Variants in RC3H1 observed in about 807,000 individuals in gnomAD.
The protein encoded by RC3H1 is roquin-1.
A neutral mutation model predicts 138.2 loss-of-function variants in RC3H1; 50 were observed. That is an observed-to-expected ratio of 0.36 (90% CI 0.29 to 0.46). The LOEUF (loss-of-function observed/expected upper bound fraction) is 0.46. Ranked by LOEUF, RC3H1 falls within the 20% of genes least tolerant of loss-of-function variation. RC3H1 has a pLI of 1.00. For missense variants in RC3H1, 1,031 were observed against 1,388.1 expected, an observed-to-expected ratio of 0.74 and a Z score of 4.09; for synonymous variants, 462 against 489.1, an observed-to-expected ratio of 0.94 and a Z score of 0.73.
At chr1:173,959,924 G>T (rs1379334140) in intron 13 of RC3H1, among the ~76,000 whole-genome samples, 1 of 151,814 alleles carries the variant, frequency 6.6e-6, no homozygotes, top group Non-Finnish European at 1.5e-5. Flanking sequence ...TGGCCAACAT[G>T]GTGAAACCGT....
chr1:173,977,912 G>C (rs1246625348), intron 7 of RC3H1, among the ~76,000 whole-genome samples: 1 of 152,122 alleles, frequency 6.6e-6, no homozygotes, highest in African/African-American at 2.4e-5. Context: ...TCAGAGACTG[G>C]GAATCTACTA....
chr1:174,013,258 T>C (rs1305936682), intron 1 of RC3H1, among the ~76,000 whole-genome samples: 1 of 151,924 alleles, frequency 6.6e-6, no homozygotes, highest in African/African-American at 2.4e-5. Context: ...AACAGGAAAG[T>C]TCTCCATGAG....
At chr1:173,981,491 A>G (rs1308021592) in intron 5 of RC3H1, among the ~76,000 whole-genome samples, 1 of 152,202 alleles carries the variant, frequency 6.6e-6, no homozygotes, top group African/African-American at 2.4e-5. Flanking sequence ...TTTAACATAT[A>G]CATTCAGTTT....
At position 173,962,157 on chromosome 1, in the gene RC3H1, A is replaced by AT. The variant is rs1659915360; in HGVS notation, c.1832-63dup. The AT allele has an allele frequency of 2.1e-6, 3 of 1,445,482 alleles. No individual in the cohort carries two copies. In the Admixed American group the frequency reaches 6.6e-5, roughly 32 times the overall value. The allele number at this position is 1,445,482 out of a possible 1,614,324, so 89.5% of individuals were successfully genotyped here. On this transcript the variant is annotated intron_variant, in intron 11 of 19. Transcript: ENST00000367696. ...GAGCCAATTTAGTTTTCTATGTAAG[A>AT]TTTTACCTTTTAAAATACTGAAACA...
chr1:173,968,693 A>G (rs1003197593), intron 9 of RC3H1, among the ~76,000 whole-genome samples: 4 of 152,094 alleles, frequency 2.6e-5, no homozygotes, highest in African/African-American at 9.7e-5. Flanking sequence ...AAATTTTACT[A>G]CTAATTACTA....
intron 2 of RC3H1, among the ~76,000 whole-genome samples, chr1:173,992,140 AC>A (rs1661315052): frequency 6.6e-6 from 1 of 152,020 alleles, no homozygotes; most frequent in Admixed American, 6.6e-5. Flanking sequence ...CTTATGACTT[AC>A]CTCTTAGGTT....
intron 7 of RC3H1, 77 bp downstream of exon 7, chr1:173,978,411 A>C: frequency 6.6e-7 from 1 of 1,504,624 alleles, no homozygotes; most frequent in Non-Finnish European, 9.0e-7. Context: ...TAGAGGAACA[A>C]CAAAAGATAA....
intron 14 of RC3H1, among the ~76,000 whole-genome samples, chr1:173,947,803 C>A (rs972653599): frequency 6.6e-6 from 1 of 152,104 alleles, no homozygotes; most frequent in African/African-American, 2.4e-5. Context: ...AACGTAGGGG[C>A]ACTCTCATGG....
At chr1:174,003,439 G>A (rs912450030) in intron 1 of RC3H1, among the ~76,000 whole-genome samples, 6 of 150,040 alleles carry the variant, frequency 4.0e-5, no homozygotes, top group African/African-American at 1.5e-4. Context: ...AATCATCCTT[G>A]ACTACTCTCT....
At chr1:173,961,437 T>C (rs888985605) in intron 12 of RC3H1, among the ~76,000 whole-genome samples, 193 bp from the exon 13 acceptor site, 3 of 152,222 alleles carry the variant, frequency 2.0e-5, no homozygotes, top group Middle Eastern at 6.8e-3. Context: ...TAGCTAAATT[T>C]AGGTTTCTTT....
rs932091678 is a variant in RC3H1 at position 173,933,952 on chromosome 1, G to GA, written c.*4768dup. On this transcript the variant is annotated 3_prime_UTR_variant, in exon 20 of 20. Coordinates refer to ENST00000367696, the MANE Select transcript of RC3H1 (RefSeq NM_172071.4). ...AACACACTTAGACTCTTATTAGGGGGAAAAAATCTAAGTAAACACTGCAGT... is the reference window on the plus strand; with the variant it reads ...AACACACTTAGACTCTTATTAGGGGGAAAAAAATCTAAGTAAACACTGCAGT... 3 of 152,028 alleles carry GA rather than the reference G, an allele frequency of 2.0e-5. No homozygotes were observed. The highest frequency in any genetic ancestry group is 2.9e-5 in the Non-Finnish European group (2 of 67,984). 9.4% of individuals were successfully genotyped at this position (152,028 alleles called of 1,614,324 possible). A position where few individuals can be genotyped will look rare whatever the true frequency, so the allele number is the denominator to read the frequency against.
chr1:174,008,870 G>A (rs1483717061), intron 1 of RC3H1, among the ~76,000 whole-genome samples: 1 of 151,600 alleles, frequency 6.6e-6, no homozygotes, highest in African/African-American at 2.4e-5. Context: ...CCAGCTACTT[G>A]GGAGGCTGAG....
intron 1 of RC3H1, among the ~76,000 whole-genome samples, chr1:173,993,645 G>C (rs1273156947): frequency 6.6e-6 from 1 of 151,330 alleles, no homozygotes; most frequent in East Asian, 2.0e-4. Flanking sequence ...CTCCCGCCTT[G>C]GCATCCCAAA....
At chr1:173,992,669 AACACACACACACAC>A (rs34709821) in intron 2 of RC3H1, 72 bp downstream of exon 2, 16 of 657,752 alleles carry the variant, frequency 2.4e-5, no homozygotes, top group African/African-American at 1.3e-4. Context: ...AAACACGCAC[AACACACACACACAC>A]ACACACACAC....
intron 1 of RC3H1, among the ~76,000 whole-genome samples, chr1:174,001,357 C>A (rs1024246280): frequency 1.3e-5 from 2 of 152,178 alleles, no homozygotes; most frequent in African/African-American, 4.8e-5. Flanking sequence ...GCATTATATA[C>A]AAATGTGCTA....
At chr1:173,967,664 C>A (rs914129351) in intron 9 of RC3H1, among the ~76,000 whole-genome samples, 1 of 152,142 alleles carries the variant, frequency 6.6e-6, no homozygotes, top group African/African-American at 2.4e-5. Flanking sequence ...TCTATTGGTT[C>A]CTCTCCTTCC....
At chr1:173,983,969 T>C (rs1039154466) in intron 3 of RC3H1, among the ~76,000 whole-genome samples, 5 of 152,238 alleles carry the variant, frequency 3.3e-5, no homozygotes, top group African/African-American at 1.2e-4. Context: ...GTTTATAATG[T>C]AAATCTTGAA....
At chr1:173,947,302 G>A in intron 15 of RC3H1, 67 bp downstream of exon 15, 1 of 1,056,210 alleles carries the variant, frequency 9.5e-7, no homozygotes, top group Non-Finnish European at 1.5e-6. Context: ...AGTAAATGGA[G>A]AGCAGGGGTA....
Position 173,938,648 on chromosome 1 carries a change from G to T in RC3H1, c.*73C>A. 1.7e-6 allele frequency: 2 copies of T among 1,155,874 alleles called. No homozygotes were observed. Among genetic ancestry groups the T allele is most frequent in the Non-Finnish European group, 2.4e-6 (2 of 838,074 alleles). The allele number at this position is 1,155,874 out of a possible 1,614,324, so 71.6% of individuals were successfully genotyped here. On this transcript the variant is annotated 3_prime_UTR_variant, in exon 20 of 20. Coordinates refer to ENST00000367696, the MANE Select transcript of RC3H1 (RefSeq NM_172071.4). ...CGCTCTTAAGAGAAAAAGTTTAGAA[G>T]TTATGCGTTCTCCTACCCCTATGCC...
Sources: gnomAD v4.1 joint callset for allele counts (sites outside exome capture counted in the v4.1 genomes callset) on GRCh38, gnomAD v4.1.1 for gene constraint, MANE v1.5 for transcripts, NCBI Gene and HGNC (gene_info 2026-07-23, HGNC 2026-07-21) for gene names.